SPIDR: variants seen among roughly 807,000 people sequenced by gnomAD.
SPIDR encodes DNA repair-scaffolding protein.
A neutral mutation model predicts 104.6 loss-of-function variants in SPIDR; 93 were observed. The observed-to-expected ratio is 0.89, with a 90% CI of 0.75 to 1.06. SPIDR has a LOEUF of 1.06. Ranked by LOEUF, SPIDR falls within the 50% of genes least tolerant of loss-of-function variation. The pLI is 0.00. For synonymous variants in SPIDR, 431 were observed against 416.9 expected, an observed-to-expected ratio of 1.03 and a Z score of -0.41; for missense variants, 1,154 against 1,111.2, an observed-to-expected ratio of 1.04 and a Z score of -0.55.
chr8:47,316,372 T>C (rs1032357017), intron 5 of SPIDR, among the ~76,000 whole-genome samples: 1 of 152,200 alleles, frequency 6.6e-6, no homozygotes, highest in Non-Finnish European at 1.5e-5. Context: ...ATTCTACTCC[T>C]AGTTATTTAC....
At chr8:47,585,681 T>C (rs936607423) in intron 8 of SPIDR, among the ~76,000 whole-genome samples, 16 of 152,160 alleles carry the variant, frequency 1.1e-4, no homozygotes, top group Admixed American at 2.0e-4. Context: ...GGGTTGCATC[T>C]GGTGAGGGCC....
intron 8 of SPIDR, among the ~76,000 whole-genome samples, chr8:47,496,358 G>T (rs1166151925): frequency 6.6e-6 from 1 of 152,174 alleles, no homozygotes; most frequent in Admixed American, 6.5e-5. Context: ...TTGTCAGTTT[G>T]AGGAAGTTGT....
intron 8 of SPIDR, among the ~76,000 whole-genome samples, chr8:47,526,293 C>G (rs1226383454): frequency 6.6e-6 from 1 of 152,102 alleles, no homozygotes; most frequent in Non-Finnish European, 1.5e-5. Context: ...CTGGTCTGGT[C>G]CATTGGATTA....
chr8:47,292,091 A>T lies in SPIDR; in HGVS notation c.361+954A>T, dbSNP rs2040008949. Among the ~76,000 whole-genome samples the T allele has an allele frequency of 3.3e-5, 5 of 152,266 alleles. No homozygotes were observed. In the South Asian group the frequency reaches 1.0e-3, roughly 32 times the overall value. ...AAGGGTCCCATGAAGGACAAAAATC[A>T]CCCCTAGTTGATAACCACAGATGTT... On this transcript the variant is annotated intron_variant, in intron 4 of 19. Transcript: ENST00000297423.
At chr8:47,644,033 C>T (rs577594279) in intron 10 of SPIDR, among the ~76,000 whole-genome samples, 4 of 152,294 alleles carry the variant, frequency 2.6e-5, no homozygotes, top group African/African-American at 7.2e-5. Context: ...CTGGAACTTA[C>T]GGGCTGTACC....
intron 10 of SPIDR, among the ~76,000 whole-genome samples, chr8:47,651,652 A>G (rs1228017515): frequency 6.6e-6 from 1 of 152,186 alleles, no homozygotes; most frequent in East Asian, 1.9e-4. Flanking sequence ...CTATACACAT[A>G]TATTTATTGC....
intron 5 of SPIDR, among the ~76,000 whole-genome samples, chr8:47,310,672 A>T (rs1173761200): frequency 6.6e-6 from 1 of 152,120 alleles, no homozygotes; most frequent in Non-Finnish European, 1.5e-5. Context: ...CACAAGACAG[A>T]GTTAGGGGTG....
chr8:47,735,111 G>GGTGTGTGGGT (rs2086036135), intron 19 of SPIDR, among the ~76,000 whole-genome samples, 196 bp from the exon 20 acceptor site: 1 of 135,182 alleles, frequency 7.4e-6, no homozygotes, highest in African/African-American at 3.0e-5. Flanking sequence ...TGTGTGTGTG[G>GGTGTGTGGGT]GTGTGTGTGT....
At chr8:47,409,676 A>G (rs1346392389) in intron 7 of SPIDR, among the ~76,000 whole-genome samples, 1 of 152,206 alleles carries the variant, frequency 6.6e-6, no homozygotes, top group Non-Finnish European at 1.5e-5. Context: ...GTTCTCAACT[A>G]TTATATTACA....
chr8:47,553,241 T>C (rs1346256947), intron 8 of SPIDR, among the ~76,000 whole-genome samples: 1 of 152,174 alleles, frequency 6.6e-6, no homozygotes, highest in East Asian at 1.9e-4. Flanking sequence ...TTATGTGTCT[T>C]GGGGTTGCTC....
At chr8:47,620,126 C>G (rs915432132) in intron 10 of SPIDR, among the ~76,000 whole-genome samples, 2 of 152,128 alleles carry the variant, frequency 1.3e-5, no homozygotes, top group African/African-American at 4.8e-5. Flanking sequence ...CAGAGAATTA[C>G]AGCAGCTGCC....
intron 5 of SPIDR, among the ~76,000 whole-genome samples, chr8:47,366,789 G>A (rs2057285677): frequency 6.6e-6 from 1 of 152,186 alleles, no homozygotes; most frequent in Non-Finnish European, 1.5e-5. Context: ...AAGGGTTGGA[G>A]AAATAGATTT....
In SPIDR at chr8:47,485,044, C is replaced by T. The variant is rs868974597; in HGVS notation, c.1097+44502C>T. Among the ~76,000 whole-genome samples the T allele has an allele frequency of 2.2e-4, 33 of 152,298 alleles. No individual in the cohort carries two copies. In the Middle Eastern group the frequency reaches 0.01, roughly 47 times the overall value. On this transcript the variant is annotated intron_variant, in intron 8 of 19. Coordinates refer to ENST00000297423, the MANE Select transcript of SPIDR (RefSeq NM_001080394.4). ...CCACCAAGCGTGAGCTGAAGCAGGG[C>T]GAGGCATGGCCTCACCCGGGAAGTG... is the stretch of plus-strand genomic sequence containing the variant.
At chr8:47,480,869 A>C (rs2076829205) in intron 8 of SPIDR, among the ~76,000 whole-genome samples, 1 of 152,208 alleles carries the variant, frequency 6.6e-6, no homozygotes, top group Non-Finnish European at 1.5e-5. Context: ...TTGATTTGTC[A>C]TTGTACAAAC....
Position 47,280,025 on chromosome 8 carries a change from A to G in SPIDR, c.189+8A>G, listed in dbSNP as rs2037392223. 1 of 1,611,132 alleles carries G rather than the reference A, an allele frequency of 6.2e-7. No individual in the cohort carries two copies. The highest frequency in any genetic ancestry group is 1.3e-5 in the African/African-American group (1 of 74,936). On this transcript the variant is annotated splice_region_variant and intron_variant, in intron 2 of 19. Transcript: ENST00000297423. ...AACACTTCTGGGAATCCGGTAAAGT[A>G]TCTGTAGAATTGTTTTCCCTGAATG...
intron 5 of SPIDR, among the ~76,000 whole-genome samples, chr8:47,355,226 G>T (rs2054289018): frequency 6.7e-6 from 1 of 149,612 alleles, no homozygotes; most frequent in Non-Finnish European, 1.5e-5. Flanking sequence ...AAAGTGCTGG[G>T]ATTACAGGCG....
intron 8 of SPIDR, among the ~76,000 whole-genome samples, chr8:47,468,811 T>C (rs1488317075): frequency 2.6e-5 from 4 of 152,054 alleles, no homozygotes; most frequent in African/African-American, 9.7e-5. Context: ...CCAGCAGCAA[T>C]TGCAACAAAA....
At chr8:47,665,019 C>G (rs535094558) in intron 10 of SPIDR, among the ~76,000 whole-genome samples, 3 of 151,814 alleles carry the variant, frequency 2.0e-5, no homozygotes, top group African/African-American at 7.2e-5. Flanking sequence ...AATGAGAGTG[C>G]GAGAGAGAGA....
At chr8:47,318,323 C>T (rs2045834670) in intron 5 of SPIDR, among the ~76,000 whole-genome samples, 1 of 151,752 alleles carries the variant, frequency 6.6e-6, no homozygotes, top group African/African-American at 2.4e-5. Flanking sequence ...CCGATTCGAT[C>T]AACTGGAAGA....
Sources: gnomAD v4.1 joint callset for allele counts (sites outside exome capture counted in the v4.1 genomes callset) on GRCh38, gnomAD v4.1.1 for gene constraint, MANE v1.5 for transcripts, NCBI Gene and HGNC (gene_info 2026-07-23, HGNC 2026-07-21) for gene names.